Variants in QRSL1 observed in about 807,000 individuals in gnomAD.
QRSL1 encodes the protein glutamyl-tRNA(Gln) amidotransferase subunit A, mitochondrial.
A neutral mutation model predicts 61.6 loss-of-function variants in QRSL1; 54 were observed. That is an observed-to-expected ratio of 0.88 (90% confidence interval 0.70 to 1.10). The LOEUF (loss-of-function observed/expected upper bound fraction) is 1.10, where lower values mean the gene tolerates loss of function less well. Ranked by LOEUF, QRSL1 falls within the 50% of genes least tolerant of loss-of-function variation. The pLI is 0.00. For synonymous variants in QRSL1, 228 were observed against 225.7 expected, an observed-to-expected ratio of 1.01 and a Z score of -0.09; for missense variants, 505 against 622.6, an observed-to-expected ratio of 0.81 and a Z score of 2.01.
intron 1 of QRSL1, among the ~76,000 whole-genome samples, chr6:106,638,491 A>G (rs1378291209): frequency 6.6e-6 from 1 of 151,946 alleles, no homozygotes; most frequent in Admixed American, 6.6e-5. Flanking sequence ...TTTAGTAGAG[A>G]TAGGGTTTCT....
At chr6:106,631,333 C>T (rs1345243305) in intron 1 of QRSL1, among the ~76,000 whole-genome samples, 3 of 152,254 alleles carry the variant, frequency 2.0e-5, no homozygotes, top group African/African-American at 7.2e-5. Context: ...TCTGCCTTTT[C>T]CACTGTCAAT....
chr6:106,661,686 CTTTTTTTTTTTTTTTT>C (rs572306794), intron 9 of QRSL1, among the ~76,000 whole-genome samples: 23 of 55,070 alleles, frequency 4.2e-4, no homozygotes, highest in African/African-American at 1.4e-3. Context: ...ATGGTTAGTT[CTTTTTTTTTTTTTTTT>C]TTTTTTTTTT....
At chr6:106,642,428 C>A in intron 3 of QRSL1, 1 of 565,332 alleles carries the variant, frequency 1.8e-6, no homozygotes, top group Non-Finnish European at 3.2e-6. Context: ...GGCCTTTTGG[C>A]GGGAACCACC....
chr6:106,662,745 T>G (rs1005197268), intron 9 of QRSL1, among the ~76,000 whole-genome samples: 1 of 152,164 alleles, frequency 6.6e-6, no homozygotes, highest in Admixed American at 6.5e-5. Context: ...TAAGCTCTGC[T>G]TCATCCCCAA....
chr6:106,646,921 A>G (rs1320150695), intron 4 of QRSL1, among the ~76,000 whole-genome samples: 1 of 150,472 alleles, frequency 6.6e-6, no homozygotes, highest in African/African-American at 2.4e-5. Flanking sequence ...CCCGCTACTC[A>G]GGAGGCTGAG....
rs899494091 is a variant in QRSL1, at chr6:106,663,115, G to A, written c.1296G>A (p.Glu432=). ...TGAGTGAGGCAGTACCATACTTGGAGTTCATCAAAGAGGACAACAGAACCC... is the reference window on the plus strand; with the variant it reads ...TGAGTGAGGCAGTACCATACTTGGAATTCATCAAAGAGGACAACAGAACCC... ...TTLSEAVPYL[E]FIKEDNRTRS... Residue 432 remains glutamate (E), a synonymous_variant, in exon 10 of 11, where the codon GAG becomes GAA. Transcript: ENST00000369046. 4 of 1,614,186 alleles carry A rather than the reference G, an allele frequency of 2.5e-6. No homozygotes were observed. The highest frequency in any genetic ancestry group is 3.4e-6 in the Non-Finnish European group (4 of 1,180,032).
At position 106,652,534 on chromosome 6, in the gene QRSL1, G is replaced by C. The variant is rs1777205247; in HGVS notation, c.801G>C (p.Met267Ile). The C allele has an allele frequency of 2.5e-6, 4 of 1,614,206 alleles. No individual in the cohort carries two copies. In the East Asian group the frequency reaches 8.9e-5, roughly 36 times the overall value. Residue 267 changes from methionine (M) to isoleucine (I), a missense_variant, in exon 7 of 11, where the codon ATG becomes ATC. Physicochemically the swap from Met to Ile is conservative, Grantham distance 10. Coordinates refer to ENST00000369046, the MANE Select transcript of QRSL1 (RefSeq NM_018292.5). ...ATGAACCTATTAATAAACCATTCAT[G>C]CTTCCCAGTTTGGCAGATGTGAGCA... ...TVHEPINKPFMLPSLADVSKL... is the reference protein window; with the variant it reads ...TVHEPINKPFILPSLADVSKL...
Position 106,640,412 on chromosome 6 carries a change from C to T in QRSL1, c.88C>T (p.Leu30Phe). The change falls in exon 2 of 11, where the codon CTT (leucine) becomes TTT (phenylalanine). Residue 30 changes from leucine to phenylalanine, a missense_variant. By Grantham distance (22) the Leu-to-Phe change is conservative. Transcript: ENST00000369046. The part of the protein sequence containing the change: ...PTELCQKCLS[L>F]IKKTKFLNAY... ...AGAGCTCTGTCAAAAATGTCTCTCT[C>T]TTATCAAGAAGACCAAGTTTCTAAA... 2.5e-6 allele frequency: 4 copies of T among 1,612,700 alleles called. No individual in the cohort carries two copies. Among genetic ancestry groups the T allele is most frequent in the Non-Finnish European group, 3.4e-6 (4 of 1,179,086 alleles).
chr6:106,630,733 C>T (rs1776806404), intron 1 of QRSL1, among the ~76,000 whole-genome samples: 1 of 152,198 alleles, frequency 6.6e-6, no homozygotes, highest in Non-Finnish European at 1.5e-5. Flanking sequence ...ATGACCTAAA[C>T]TGCCTTCCAT....
chr6:106,654,705 T>G, intron 7 of QRSL1, 25 bp from the exon 8 acceptor site: 1 of 1,580,472 alleles, frequency 6.3e-7, no homozygotes, highest in Non-Finnish European at 8.6e-7. Context: ...AGTTCCAATT[T>G]TGTATCTTGA....
In QRSL1 at chr6:106,640,963, T is replaced by C. The variant is rs373274402; in HGVS notation, c.283+42T>C. 40 of 1,449,412 alleles carry C rather than the reference T, an allele frequency of 2.8e-5. No homozygotes were observed. The African/African-American group carries it at 5.3e-4, about 19-fold the overall frequency. The allele number at this position is 1,449,412 out of a possible 1,614,324, so 89.8% of individuals were successfully genotyped here. On this transcript the variant is annotated intron_variant, in intron 3 of 10. Coordinates refer to ENST00000369046, the MANE Select transcript of QRSL1 (RefSeq NM_018292.5). ...CAGAGCATTGATAATTTTATAAAAA[T>C]AGGTATTTTTCGCTTTAAGGATAAT...
chr6:106,630,163 A>G (rs994682861), intron 1 of QRSL1, among the ~76,000 whole-genome samples: 1 of 152,174 alleles, frequency 6.6e-6, no homozygotes, highest in Non-Finnish European at 1.5e-5. Flanking sequence ...ACCTACCACT[A>G]AGATACCAGT....
At chr6:106,637,272 T>C (rs1776939773) in intron 1 of QRSL1, among the ~76,000 whole-genome samples, 1 of 152,150 alleles carries the variant, frequency 6.6e-6, no homozygotes, top group East Asian at 1.9e-4. Flanking sequence ...ATGATGTATA[T>C]AGTCTAGACA....
At chr6:106,653,664 G>A (rs2114712200) in intron 7 of QRSL1, 1 of 151,870 alleles carries the variant, frequency 6.6e-6, no homozygotes, top group Admixed American at 6.6e-5. Context: ...TCTACAAAAA[G>A]TTTTAAAAAA....
intron 3 of QRSL1, among the ~76,000 whole-genome samples, chr6:106,642,088 G>C (rs1336477782): frequency 6.6e-6 from 1 of 152,146 alleles, no homozygotes; most frequent in Non-Finnish European, 1.5e-5. Context: ...ACGGAGTCTT[G>C]CTCTGTCACC....
rs1177849683 is a variant in QRSL1 at position 106,639,119 on chromosome 6, G to GTTT, written c.25-1205_25-1203dup. Among the ~76,000 whole-genome samples, 43 of 122,804 alleles carry GTTT rather than the reference G, an allele frequency of 3.5e-4. 2 individuals carry two copies. The highest frequency in any genetic ancestry group is 1.6e-3 in the East Asian group (6 of 3,768). The allele number at this position is 122,804 out of a possible 152,430, so 80.6% of individuals were successfully genotyped here. A position where few individuals can be genotyped will look rare whatever the true frequency, so the allele number is the denominator to read the frequency against. On this transcript the variant is annotated intron_variant, in intron 1 of 10. Coordinates refer to ENST00000369046, the MANE Select transcript of QRSL1 (RefSeq NM_018292.5). ...TGTGTGGTTATTTGTGTGTTTTGTT[G>GTTT]TTTTTTTTTTTTTTTTTTTTTTTTT... is the stretch of plus-strand genomic sequence containing the variant.
At chr6:106,665,226 C>T (rs925223663) in intron 10 of QRSL1, among the ~76,000 whole-genome samples, 3 of 152,110 alleles carry the variant, frequency 2.0e-5, no homozygotes, top group Non-Finnish European at 4.4e-5. Context: ...ATTAAAACTA[C>T]CCTGAGCTAA....
At chr6:106,638,322 G>A (rs919490484) in intron 1 of QRSL1, among the ~76,000 whole-genome samples, 5 of 144,166 alleles carry the variant, frequency 3.5e-5, no homozygotes, top group African/African-American at 1.3e-4. Context: ...TTTCTTTTTT[G>A]AGACAGAGTT....
chr6:106,647,176 G>A (rs938818305), intron 4 of QRSL1, among the ~76,000 whole-genome samples: 4 of 151,560 alleles, frequency 2.6e-5, no homozygotes, highest in Non-Finnish European at 4.4e-5. Flanking sequence ...AGAAAGAACC[G>A]ATATCCAAAA....
Sources: allele counts gnomAD v4.1 joint callset (sites outside exome capture counted in the v4.1 genomes callset), GRCh38; gene constraint gnomAD v4.1.1; transcripts MANE v1.5; gene names NCBI Gene and HGNC (gene_info 2026-07-23, HGNC 2026-07-21).